The following SHISA9 variants were observed in gnomAD, a reference collection of about 807,000 sequenced individuals.
SHISA9 encodes the protein shisa family member 9.
A neutral mutation model predicts 38.0 loss-of-function variants in SHISA9; 13 were observed. That is an observed-to-expected ratio of 0.34 (90% CI 0.22 to 0.54). The LOEUF (loss-of-function observed/expected upper bound fraction) is 0.54. SHISA9 is among the 20% of genes least tolerant of loss of function. SHISA9 has a pLI of 0.91. For missense variants in SHISA9, 538 were observed against 575.8 expected, an observed-to-expected ratio of 0.93 and a Z score of 0.67; for synonymous variants, 275 against 242.0, an observed-to-expected ratio of 1.14 and a Z score of -1.27.
At chr16:13,211,219 C>T (rs955373597) in intron 3 of SHISA9, among the ~76,000 whole-genome samples, 1 of 151,614 alleles carries the variant, frequency 6.6e-6, no homozygotes, top group African/African-American at 2.4e-5. Context: ...ATCACTTGAA[C>T]CCGGGGGGCA....
chr16:12,979,475 A>G (rs1361491243), intron 2 of SHISA9, among the ~76,000 whole-genome samples: 1 of 152,172 alleles, frequency 6.6e-6, no homozygotes, highest in Non-Finnish European at 1.5e-5. Context: ...CATGCTCCAA[A>G]CGAAAGCTAG....
intron 2 of SHISA9, among the ~76,000 whole-genome samples, chr16:12,920,286 G>A (rs972301694): frequency 3.3e-5 from 5 of 152,070 alleles, no homozygotes; most frequent in African/African-American, 4.8e-5. Context: ...AAACCTGCAC[G>A]TTGTGCACAT....
At chr16:13,506,823 C>T in the SHISA9 span, among the ~76,000 whole-genome samples, 2 of 151,976 alleles carry the variant, frequency 1.3e-5, no homozygotes, top group Admixed American at 1.3e-4. Context: ...GCCCTTGAGG[C>T]CAGGAGTCTG....
the SHISA9 span, among the ~76,000 whole-genome samples, chr16:13,457,932 CCTTCCTTCCTTG>C: frequency 1.3e-5 from 2 of 152,022 alleles, no homozygotes; most frequent in African/African-American, 4.8e-5. Flanking sequence ...TTCCTCCCTT[CCTTCCTTCCTTG>C]CTTCCTTCCT....
intron 2 of SHISA9, among the ~76,000 whole-genome samples, chr16:13,156,192 G>T (rs2050545080): frequency 6.6e-6 from 1 of 152,140 alleles, no homozygotes. Context: ...GCCAGTCTGA[G>T]CCGGTGCTTA....
At chr16:13,474,018 T>C in the SHISA9 span, among the ~76,000 whole-genome samples, 1 of 152,212 alleles carries the variant, frequency 6.6e-6, no homozygotes, top group Non-Finnish European at 1.5e-5. Flanking sequence ...TATGTGGCCA[T>C]ACTCAGAAGC....
At chr16:13,344,996 G>T in the SHISA9 span, among the ~76,000 whole-genome samples, 4 of 152,178 alleles carry the variant, frequency 2.6e-5, no homozygotes, top group Admixed American at 2.0e-4. Flanking sequence ...AGAATTGGAA[G>T]GAAGGAGAGG....
At chr16:13,353,630 G>A in the SHISA9 span, among the ~76,000 whole-genome samples, 1 of 151,972 alleles carries the variant, frequency 6.6e-6, no homozygotes, top group Non-Finnish European at 1.5e-5. Flanking sequence ...ATGAGACTGG[G>A]GCCTAATAAC....
chr16:12,975,528 G>A (rs1415883425), intron 2 of SHISA9, among the ~76,000 whole-genome samples: 2 of 151,458 alleles, frequency 1.3e-5, no homozygotes. Context: ...AAGGAATAGA[G>A]TTATTAGCTC....
chr16:13,057,640 T>C (rs1308497532), intron 2 of SHISA9, among the ~76,000 whole-genome samples: 1 of 151,992 alleles, frequency 6.6e-6, no homozygotes, highest in East Asian at 1.9e-4. Flanking sequence ...TAAGTGATAC[T>C]TTTTTATTTT....
chr16:13,352,966 T>A, the SHISA9 span, among the ~76,000 whole-genome samples: 2 of 152,188 alleles, frequency 1.3e-5, no homozygotes, highest in East Asian at 3.9e-4. Flanking sequence ...GATTCTTTAG[T>A]TACTCCAGGC....
At chr16:13,091,892 T>C (rs2073778862) in intron 2 of SHISA9, among the ~76,000 whole-genome samples, 2 of 152,222 alleles carry the variant, frequency 1.3e-5, no homozygotes, top group Non-Finnish European at 2.9e-5. Flanking sequence ...CTCTGGTTTT[T>C]AGAATTTTCA....
At chr16:13,165,586 G>A (rs546012859) in intron 2 of SHISA9, among the ~76,000 whole-genome samples, 4 of 152,296 alleles carry the variant, frequency 2.6e-5, no homozygotes, top group African/African-American at 4.8e-5. Flanking sequence ...TCTCTGATAC[G>A]TGGAGAAACT....
the SHISA9 span, among the ~76,000 whole-genome samples, chr16:13,517,966 G>T: frequency 6.6e-6 from 1 of 152,160 alleles, no homozygotes; most frequent in African/African-American, 2.4e-5. Flanking sequence ...CTGCTCTTCT[G>T]GTCTCCATGG....
chr16:13,164,304 G>A (rs2050618544), intron 2 of SHISA9, among the ~76,000 whole-genome samples: 1 of 151,934 alleles, frequency 6.6e-6, no homozygotes. Context: ...AAATTCAAGT[G>A]GTAAACCAAC....
intron 2 of SHISA9, among the ~76,000 whole-genome samples, chr16:12,973,621 T>C (rs572235045): frequency 6.6e-6 from 1 of 152,358 alleles, no homozygotes; most frequent in South Asian, 2.1e-4. Flanking sequence ...GTTGCTTTTT[T>C]TTAGTGCCTA....
chr16:13,306,677 G>A, the SHISA9 span, among the ~76,000 whole-genome samples: 1 of 152,144 alleles, frequency 6.6e-6, no homozygotes, highest in East Asian at 1.9e-4. Context: ...CCATCAGGCT[G>A]CATCTTCCAG....
the SHISA9 span, among the ~76,000 whole-genome samples, chr16:13,554,297 T>TAAA: frequency 5.2e-5 from 7 of 133,522 alleles, no homozygotes; most frequent in South Asian, 2.4e-4. Flanking sequence ...TGCTAGAGAT[T>TAAA]AAAAAAAAAA....
chr16:13,127,031 C>T (rs1310315442), intron 2 of SHISA9, among the ~76,000 whole-genome samples: 16 of 100,682 alleles, frequency 1.6e-4, no homozygotes, highest in African/African-American at 5.2e-4. Flanking sequence ...CAGAGAGAGC[C>T]GAAGGAAGGA....
Sources: gnomAD v4.1 joint callset for allele counts (sites outside exome capture counted in the v4.1 genomes callset) on GRCh38, gnomAD v4.1.1 for gene constraint, MANE v1.5 for transcripts, NCBI Gene and HGNC (gene_info 2026-07-23, HGNC 2026-07-21) for gene names.